Variants in WWOX observed in about 807,000 individuals in gnomAD.
The protein encoded by WWOX is WW domain-containing oxidoreductase.
WWOX carries 69 observed loss-of-function variants against 46.2 expected under a neutral mutation model. The observed-to-expected ratio is 1.49, with a 90% CI of 1.23 to 1.82. WWOX has a LOEUF of 1.82. WWOX is among the 40% of genes most tolerant of loss of function. The pLI is 0.00. For synonymous variants in WWOX, 359 were observed against 202.6 expected (o/e 1.77, Z -6.56); for missense variants, 919 against 542.6 (o/e 1.69, Z -6.89).
At chr16:78,355,748 T>C in intron 5 of WWOX, 1 of 707,610 alleles carries the variant, frequency 1.4e-6, no homozygotes. Context: ...TGAAGAGACA[T>C]ATGAATCAAC....
intron 4 of WWOX, among the ~76,000 whole-genome samples, chr16:78,125,695 C>T (rs1049078670): frequency 2.0e-5 from 3 of 152,134 alleles, no homozygotes; most frequent in African/African-American, 7.2e-5. Context: ...GACCCCATCT[C>T]TACCAAATCA....
intron 6 of WWOX, among the ~76,000 whole-genome samples, chr16:78,398,007 G>C (rs1166929049): frequency 6.6e-6 from 1 of 152,204 alleles, no homozygotes; most frequent in Non-Finnish European, 1.5e-5. Flanking sequence ...ACTGTCATTT[G>C]CATCATCTTT....
intron 5 of WWOX, among the ~76,000 whole-genome samples, chr16:78,269,730 T>C (rs995540636): frequency 6.6e-5 from 10 of 152,320 alleles, no homozygotes; most frequent in South Asian, 6.2e-4. Flanking sequence ...GAGTTGCAGC[T>C]TCTGGCCAGT....
chr16:78,913,400 C>T (rs151186161), intron 8 of WWOX, among the ~76,000 whole-genome samples: 4,265 of 151,968 alleles, frequency 0.028, 96 homozygotes, highest in Middle Eastern at 0.061. Context: ...ACGTTGGCCC[C>T]TTCTCAACCT....
intron 8 of WWOX, among the ~76,000 whole-genome samples, chr16:78,798,912 C>T (rs911511890): frequency 6.6e-6 from 1 of 152,130 alleles, no homozygotes; most frequent in African/African-American, 2.4e-5. Flanking sequence ...GTTTGAGACA[C>T]CACTTGCTGC....
intron 4 of WWOX, among the ~76,000 whole-genome samples, chr16:78,148,209 C>A (rs1481971971): frequency 6.6e-6 from 1 of 152,198 alleles, no homozygotes; most frequent in East Asian, 1.9e-4. Flanking sequence ...AATCTTTCTA[C>A]TTCTAAACAA....
intron 8 of WWOX, among the ~76,000 whole-genome samples, chr16:78,831,160 A>G (rs2151157727): frequency 6.6e-6 from 1 of 152,226 alleles, no homozygotes; most frequent in East Asian, 1.9e-4. Context: ...ACCACTCAGA[A>G]TTTGGGGGCT....
chr16:78,921,611 G>A (rs1483773934), intron 8 of WWOX, among the ~76,000 whole-genome samples: 1 of 152,146 alleles, frequency 6.6e-6, no homozygotes, highest in Admixed American at 6.5e-5. Flanking sequence ...TGGAGCTCAG[G>A]GAGGTTACAT....
At chr16:78,193,068 C>T (rs1461673931) in intron 5 of WWOX, among the ~76,000 whole-genome samples, 1 of 152,222 alleles carries the variant, frequency 6.6e-6, no homozygotes, top group East Asian at 1.9e-4. Flanking sequence ...TTGCAGGGCC[C>T]AGGCTGTAGG....
At chr16:78,644,589 G>A (rs574002833) in intron 8 of WWOX, among the ~76,000 whole-genome samples, 3 of 152,124 alleles carry the variant, frequency 2.0e-5, no homozygotes, top group East Asian at 1.9e-4. Flanking sequence ...AGCCTCCCAA[G>A]TACCTGGGAT....
intron 8 of WWOX, among the ~76,000 whole-genome samples, chr16:79,132,432 G>A (rs576171171): frequency 6.6e-6 from 1 of 152,234 alleles, no homozygotes; most frequent in South Asian, 2.1e-4. Context: ...CACAGCCAGT[G>A]TTACAGAAAT....
At chr16:78,568,502 G>T (rs2044633088) in intron 8 of WWOX, among the ~76,000 whole-genome samples, 1 of 138,618 alleles carries the variant, frequency 7.2e-6, no homozygotes, top group African/African-American at 2.7e-5. Flanking sequence ...TTGAGTTGGA[G>T]TCGCACTCTT....
intron 8 of WWOX, among the ~76,000 whole-genome samples, chr16:78,536,125 C>G (rs2043753447): frequency 6.6e-6 from 1 of 152,080 alleles, no homozygotes; most frequent in African/African-American, 2.4e-5. Context: ...GTGTTCCCTC[C>G]TATTATATCC....
At chr16:78,812,667 A>G (rs764159439) in intron 8 of WWOX, among the ~76,000 whole-genome samples, 1 of 152,052 alleles carries the variant, frequency 6.6e-6, no homozygotes, top group Non-Finnish European at 1.5e-5. Context: ...CGAAGGTTGC[A>G]GTGAGCCAAG....
In WWOX at chr16:78,264,943, CCCCTCCCCTCCCCTT is replaced by C. The variant is rs1187298239; in HGVS notation, c.516+100669_516+100683del. ...TCTCCTTTCCTTTCTTTTTCTTTTT[CCCCTCCCCTCCCCTT>C]CCCTCCCCTCCCCTCCCTTCCCTTC... On this transcript the variant is annotated intron_variant, in intron 5 of 8. Coordinates refer to ENST00000566780, the MANE Select transcript of WWOX (RefSeq NM_016373.4). 10 of 130,638 alleles carry C rather than the reference CCCCTCCCCTCCCCTT, an allele frequency of 7.7e-5. No homozygotes were observed. In the East Asian group the frequency reaches 2.4e-3, roughly 32 times the overall value. The allele number at this position is 130,638 out of a possible 1,614,324, so 8.1% of individuals were successfully genotyped here. A position where few individuals can be genotyped will look rare whatever the true frequency, so the allele number is the denominator to read the frequency against.
chr16:78,829,783 G>T (rs1181650430), intron 8 of WWOX, among the ~76,000 whole-genome samples: 3 of 152,292 alleles, frequency 2.0e-5, no homozygotes, highest in South Asian at 4.2e-4. Flanking sequence ...AGGAATTGCA[G>T]ATTGTAGCCA....
intron 8 of WWOX, among the ~76,000 whole-genome samples, chr16:78,799,927 C>G (rs1282121611): frequency 2.0e-5 from 3 of 152,098 alleles, no homozygotes; most frequent in Admixed American, 1.3e-4. Context: ...GAAATACGTC[C>G]TCCATCTCAG....
chr16:79,147,497 C>T (rs1597418834), intron 8 of WWOX, among the ~76,000 whole-genome samples: 1 of 152,174 alleles, frequency 6.6e-6, no homozygotes, highest in Non-Finnish European at 1.5e-5. Context: ...TATGTTTAAT[C>T]ACTCTCCCGC....
chr16:78,532,346 T>C (rs1366742949), intron 8 of WWOX, among the ~76,000 whole-genome samples: 1 of 152,150 alleles, frequency 6.6e-6, no homozygotes, highest in Non-Finnish European at 1.5e-5. Flanking sequence ...CTTACTTGCT[T>C]TGTGGCTTTA....
Sources: gnomAD v4.1 joint callset for allele counts (sites outside exome capture counted in the v4.1 genomes callset) on GRCh38, gnomAD v4.1.1 for gene constraint, MANE v1.5 for transcripts, NCBI Gene and HGNC (gene_info 2026-07-23, HGNC 2026-07-21) for gene names.